GSK3B: variants seen among roughly 807,000 people sequenced by gnomAD.
The protein encoded by GSK3B is glycogen synthase kinase 3 beta, also known as glycogen synthase kinase-3 beta.
Under a neutral mutation model 56.4 loss-of-function variants are expected in GSK3B, and 15 were observed. The ratio of observed to expected loss-of-function variants is 0.27; its 90% CI spans 0.18 to 0.41. The LOEUF (loss-of-function observed/expected upper bound fraction) is 0.41. GSK3B is among the 10% of genes least tolerant of loss of function. The probability of loss-of-function intolerance (pLI) is 1.00; values close to 1 mark genes in which losing one functional copy is unlikely to be tolerated. For synonymous variants in GSK3B, 181 were observed against 188.9 expected (o/e 0.96, Z 0.34); for missense variants, 300 against 513.4 (o/e 0.58, Z 4.02).
At chr3:119,948,943 C>T (rs939108855) in intron 2 of GSK3B, among the ~76,000 whole-genome samples, 1 of 152,136 alleles carries the variant, frequency 6.6e-6, no homozygotes, top group African/African-American at 2.4e-5. Flanking sequence ...CTCAGACAAT[C>T]CACCTGCCTC....
chr3:120,008,083 A>T (rs1187615338), intron 1 of GSK3B, among the ~76,000 whole-genome samples: 1 of 152,194 alleles, frequency 6.6e-6, no homozygotes, highest in South Asian at 2.1e-4. Flanking sequence ...ATTCTTATAC[A>T]CCAATAACAG....
At chr3:119,871,286 C>T (rs1427277452) in intron 8 of GSK3B, among the ~76,000 whole-genome samples, 1 of 152,102 alleles carries the variant, frequency 6.6e-6, no homozygotes, top group African/African-American at 2.4e-5. Context: ...CACTATGAAG[C>T]ATATTGACAG....
intron 1 of GSK3B, among the ~76,000 whole-genome samples, chr3:120,079,401 A>AT (rs2058397659): frequency 6.7e-6 from 1 of 149,116 alleles, no homozygotes; most frequent in African/African-American, 2.5e-5. Context: ...CATATTAAAC[A>AT]TTTTTTTCTT....
At position 120,035,668 on chromosome 3, in the gene GSK3B, G is replaced by A. The variant is rs980235473; in HGVS notation, c.89-33429C>T. On this transcript the variant is annotated intron_variant, in intron 1 of 10. Transcript: ENST00000264235. ...CATTAATTTCTTTCAACGATGTTTT[G>A]TAATTTCCATATTATACGTTTTATA... is the stretch of plus-strand genomic sequence containing the variant. 2.0e-5 allele frequency among the ~76,000 whole-genome samples: 3 copies of A among 152,088 alleles called. 1 individual carries two copies. In the South Asian group the frequency reaches 6.2e-4, roughly 32 times the overall value.
At chr3:119,962,385 A>AAAAC in intron 2 of GSK3B, among the ~76,000 whole-genome samples, 3 of 151,734 alleles carry the variant, frequency 2.0e-5, no homozygotes, top group South Asian at 2.1e-4. Flanking sequence ...CAAAAAAAAA[A>AAAAC]AAAAACAAAA....
chr3:119,997,309 CATTTACATGGAAGATGT>C (rs940506392), intron 2 of GSK3B, among the ~76,000 whole-genome samples: 2 of 151,946 alleles, frequency 1.3e-5, no homozygotes, highest in Non-Finnish European at 2.9e-5. Context: ...GGAAGACTTG[CATTTACATGGAAGATGT>C]ATTTACATGG....
intron 2 of GSK3B, among the ~76,000 whole-genome samples, chr3:119,987,676 AT>A (rs1313078398): frequency 6.6e-6 from 1 of 152,160 alleles, no homozygotes; most frequent in East Asian, 1.9e-4. Flanking sequence ...GTCTATAAAA[AT>A]CTTACCTTAT....
chr3:120,037,032 C>A (rs2058029096), intron 1 of GSK3B, among the ~76,000 whole-genome samples: 1 of 152,156 alleles, frequency 6.6e-6, no homozygotes, highest in South Asian at 2.1e-4. Context: ...CTCAGCAGAA[C>A]AGCAGTTCCT....
chr3:119,983,379 C>T (rs1372649679), intron 2 of GSK3B, among the ~76,000 whole-genome samples: 1 of 152,048 alleles, frequency 6.6e-6, no homozygotes. Context: ...TGTAAACAGG[C>T]TAAATGCCCC....
intron 9 of GSK3B, among the ~76,000 whole-genome samples, chr3:119,856,242 AG>A (rs2056021215): frequency 6.6e-6 from 1 of 152,214 alleles, no homozygotes; most frequent in Admixed American, 6.5e-5. Context: ...ACACCTGTGT[AG>A]TTAAAGGGAA....
intron 1 of GSK3B, among the ~76,000 whole-genome samples, chr3:120,033,393 C>T (rs781682760): frequency 2.6e-5 from 4 of 152,138 alleles, no homozygotes; most frequent in Non-Finnish European, 5.9e-5. Flanking sequence ...TTAAGAACTA[C>T]CAGATTGTTT....
intron 10 of GSK3B, among the ~76,000 whole-genome samples, chr3:119,830,790 C>A (rs771098247): frequency 1.3e-5 from 2 of 152,148 alleles, no homozygotes; most frequent in Non-Finnish European, 1.5e-5. Context: ...TTTTGGAACA[C>A]GTTATTTAAT....
chr3:120,039,565 C>T (rs965021174), intron 1 of GSK3B, among the ~76,000 whole-genome samples: 2 of 152,186 alleles, frequency 1.3e-5, no homozygotes, highest in Non-Finnish European at 2.9e-5. Flanking sequence ...AAACACTCTG[C>T]ACCCATTCCA....
intron 2 of GSK3B, among the ~76,000 whole-genome samples, chr3:119,983,111 C>A (rs2057480397): frequency 6.6e-6 from 1 of 152,084 alleles, no homozygotes. Context: ...AACTAAGCTT[C>A]ATAAGTGAAG....
intron 10 of GSK3B, among the ~76,000 whole-genome samples, chr3:119,827,946 A>C (rs924627093): frequency 6.6e-6 from 1 of 152,206 alleles, no homozygotes; most frequent in Admixed American, 6.5e-5. Flanking sequence ...TTAATTGTAC[A>C]TTTTAAAATA....
chr3:120,079,663 G>A (rs1368603450), intron 1 of GSK3B, among the ~76,000 whole-genome samples: 1 of 151,930 alleles, frequency 6.6e-6, no homozygotes, highest in Non-Finnish European at 1.5e-5. Flanking sequence ...CCAAAGTACT[G>A]GGATTACAGG....
At chr3:119,985,482 A>G (rs2057507137) in intron 2 of GSK3B, among the ~76,000 whole-genome samples, 2 of 152,354 alleles carry the variant, frequency 1.3e-5, no homozygotes, top group Middle Eastern at 3.4e-3. Context: ...CAACTTCAGC[A>G]AAGTCTCAGG....
chr3:120,006,397 C>G (rs2057728311), intron 1 of GSK3B, among the ~76,000 whole-genome samples: 1 of 152,222 alleles, frequency 6.6e-6, no homozygotes, highest in Non-Finnish European at 1.5e-5. Context: ...TTGAACTCAG[C>G]TTTGGACCAA....
intron 3 of GSK3B, among the ~76,000 whole-genome samples, chr3:119,931,647 AT>A (rs1387079575): frequency 2.0e-5 from 3 of 152,120 alleles, no homozygotes; most frequent in Non-Finnish European, 2.9e-5. Flanking sequence ...AAATAAAAAA[AT>A]AAAATAAAAA....
Sources: allele counts gnomAD v4.1 joint callset (sites outside exome capture counted in the v4.1 genomes callset), GRCh38; gene constraint gnomAD v4.1.1; transcripts MANE v1.5; gene names NCBI Gene and HGNC (gene_info 2026-07-23, HGNC 2026-07-21).